PEX7: variants seen among roughly 807,000 people sequenced by gnomAD.
PEX7 encodes the protein peroxisomal biogenesis factor 7, also known as PTS2 receptor.
Under a neutral mutation model 47.5 loss-of-function variants are expected in PEX7, and 34 were observed. The observed-to-expected ratio is 0.72, with a 90% CI of 0.54 to 0.95. The LOEUF is 0.95. Among genes scored for constraint, PEX7 ranks in the 40% least tolerant of loss-of-function variants. The probability of loss-of-function intolerance (pLI) is 0.00; values close to 1 mark genes in which losing one functional copy is unlikely to be tolerated. For synonymous variants in PEX7, 141 were observed against 148.8 expected (o/e 0.95, Z 0.38); for missense variants, 394 against 400.3 (o/e 0.98, Z 0.13).
At position 136,870,135 on chromosome 6, in the gene PEX7, CAATT is replaced by C. The variant is rs1372522294; in HGVS notation, c.747+138_747+141del. The C allele has an allele frequency of 1.6e-5, 9 of 566,162 alleles. No individual in the cohort carries two copies. The African/African-American group carries it at 1.7e-4, about 11-fold the overall frequency. The allele number at this position is 566,162 out of a possible 1,614,324, so 35.1% of individuals were successfully genotyped here. ...CTTTTTTATATGTGTTTTTGTTACC[CAATT>C]AATTAGTAGTGAAAGCTAAAATTAG... On this transcript the variant is annotated intron_variant, in intron 7 of 9. Transcript: ENST00000318471.
chr6:136,880,707 C>G (rs532411983), intron 8 of PEX7, among the ~76,000 whole-genome samples: 23 of 152,230 alleles, frequency 1.5e-4, no homozygotes, highest in Non-Finnish European at 3.2e-4. Flanking sequence ...TGCCTAGACT[C>G]TCCTCTCTCC....
At chr6:136,866,085 A>G (rs954238295) in intron 5 of PEX7, among the ~76,000 whole-genome samples, 2 of 152,056 alleles carry the variant, frequency 1.3e-5, no homozygotes, top group Admixed American at 1.3e-4. Flanking sequence ...CTGTCTCGAA[A>G]TAAATAAATA....
Position 136,822,807 on chromosome 6 carries a change from C to G in PEX7, c.130+12C>G, listed in dbSNP as rs1457640785. On this transcript the variant is annotated intron_variant, in intron 1 of 9. Transcript: ENST00000318471. ...CTACGGCATCGCGGGTGAGGCGGCG[C>G]CGCGCAGCTGGGGCCGGGGGGCGGA... 6.2e-6 allele frequency: 8 copies of G among 1,285,934 alleles called. No individual in the cohort carries two copies. The highest frequency in any genetic ancestry group is 2.9e-4 in the Middle Eastern group (1 of 3,390). The allele number at this position is 1,285,934 out of a possible 1,614,324, so 79.7% of individuals were successfully genotyped here.
At chr6:136,904,008 A>G (rs1489534506) in intron 9 of PEX7, among the ~76,000 whole-genome samples, 1 of 152,094 alleles carries the variant, frequency 6.6e-6, no homozygotes, top group Non-Finnish European at 1.5e-5. Flanking sequence ...GTTTTGGTTC[A>G]AACCTCTATT....
chr6:136,868,441 A>G (rs980817618), intron 6 of PEX7, among the ~76,000 whole-genome samples: 5 of 152,132 alleles, frequency 3.3e-5, no homozygotes, highest in African/African-American at 1.2e-4. Flanking sequence ...AAAATATAGT[A>G]TATATACAAT....
chr6:136,899,080 C>CTTT lies in PEX7; in HGVS notation c.903+855_903+857dup, dbSNP rs71547049. ...TATGTAAGTGTTTTTTTTTTCTTTT[C>CTTT]TTTTTTTTTTTTTTTTTTGAGACAG... On this transcript the variant is annotated intron_variant, in intron 9 of 9. Transcript: ENST00000318471. 4.6e-3 allele frequency among the ~76,000 whole-genome samples: 511 copies of CTTT among 111,942 alleles called. 20 individuals carry two copies. Among genetic ancestry groups the CTTT allele is most frequent in the Middle Eastern group, 0.02 (3 of 148 alleles). The allele number at this position is 111,942 out of a possible 152,430, so 73.4% of individuals were successfully genotyped here.
chr6:136,907,732 A>G (rs1436966993), intron 9 of PEX7, among the ~76,000 whole-genome samples: 2 of 152,162 alleles, frequency 1.3e-5, no homozygotes, highest in African/African-American at 2.4e-5. Context: ...ACATTAAATC[A>G]TTTGAGATAA....
chr6:136,832,451 C>T (rs1002268297), intron 3 of PEX7, among the ~76,000 whole-genome samples: 12 of 152,166 alleles, frequency 7.9e-5, no homozygotes, highest in African/African-American at 2.7e-4. Context: ...TACATTTTTC[C>T]CATTGTTTTG....
rs1360681615 is a variant in PEX7 at position 136,866,698 on chromosome 6, G to A, written c.598G>A (p.Glu200Lys). The change falls in exon 6 of 10, where the codon GAA becomes AAA. Residue 200 changes from glutamate (E) to lysine (K), a missense_variant. Physicochemically the swap from Glu to Lys is moderately conservative, Grantham distance 56 (BLOSUM62 1). Coordinates refer to ENST00000318471, the MANE Select transcript of PEX7 (RefSeq NM_000288.4). ...VRIVIPAHQA[E>K]ILSCDWCKYN... ...AATCGTGATTCCTGCACATCAGGCA[G>A]AAATCTTGAGTTGTGACTGGTGTAA... is the stretch of plus-strand genomic sequence containing the variant. The A allele has an allele frequency of 6.2e-7, 1 of 1,614,028 alleles. No homozygotes were observed.
At chr6:136,882,536 A>C (rs938933539) in intron 8 of PEX7, among the ~76,000 whole-genome samples, 2 of 141,960 alleles carry the variant, frequency 1.4e-5, no homozygotes, top group Non-Finnish European at 3.1e-5. Context: ...TCAGCAAAAG[A>C]TCTTACCTTT....
chr6:136,892,965 A>G (rs1281886957), intron 8 of PEX7, among the ~76,000 whole-genome samples: 1 of 152,126 alleles, frequency 6.6e-6, no homozygotes, highest in Non-Finnish European at 1.5e-5. Context: ...CCTCAAGTCC[A>G]TTCTTCTCAC....
At chr6:136,889,589 T>G (rs1471436946) in intron 8 of PEX7, among the ~76,000 whole-genome samples, 1 of 152,252 alleles carries the variant, frequency 6.6e-6, no homozygotes, top group East Asian at 1.9e-4. Context: ...ATTTGCATCA[T>G]ACTTTTTAAA....
chr6:136,834,450 C>G (rs1404310067), intron 3 of PEX7, among the ~76,000 whole-genome samples: 5 of 152,152 alleles, frequency 3.3e-5, no homozygotes, highest in African/African-American at 1.2e-4. Flanking sequence ...CACTTGGGCT[C>G]AAGCAATCCA....
intron 5 of PEX7, among the ~76,000 whole-genome samples, chr6:136,864,436 A>C (rs2115211320): frequency 6.6e-6 from 1 of 152,262 alleles, no homozygotes; most frequent in East Asian, 1.9e-4. Flanking sequence ...GTAGGTAGGA[A>C]ACTGAAGATC....
chr6:136,857,877 A>G (rs1358407611), intron 5 of PEX7, among the ~76,000 whole-genome samples: 2 of 152,134 alleles, frequency 1.3e-5, no homozygotes, highest in African/African-American at 4.8e-5. Context: ...GCTGGAATGC[A>G]GTGGTGCCAT....
chr6:136,877,805 T>G (rs916301428), intron 8 of PEX7, among the ~76,000 whole-genome samples: 6 of 152,238 alleles, frequency 3.9e-5, no homozygotes, highest in African/African-American at 1.4e-4. Flanking sequence ...CGGTTCCATA[T>G]GAAATTTAAA....
At chr6:136,836,412 A>G (rs1297527161) in intron 3 of PEX7, among the ~76,000 whole-genome samples, 1 of 152,070 alleles carries the variant, frequency 6.6e-6, no homozygotes, top group Non-Finnish European at 1.5e-5. Context: ...TGGAAATAAG[A>G]TTTCTTCAGA....
At chr6:136,864,034 G>A (rs1775013130) in intron 5 of PEX7, among the ~76,000 whole-genome samples, 1 of 152,144 alleles carries the variant, frequency 6.6e-6, no homozygotes, top group Non-Finnish European at 1.5e-5. Flanking sequence ...TTGGGTTCTG[G>A]TTCCAGGTCC....
At chr6:136,867,766 A>G (rs1363317239) in intron 6 of PEX7, among the ~76,000 whole-genome samples, 2 of 140,016 alleles carry the variant, frequency 1.4e-5, no homozygotes, top group South Asian at 4.9e-4. Flanking sequence ...ACAGAGCAAG[A>G]CTCCATCTCA....
Sources: allele counts gnomAD v4.1 joint callset (sites outside exome capture counted in the v4.1 genomes callset), GRCh38; gene constraint gnomAD v4.1.1; transcripts MANE v1.5; gene names NCBI Gene and HGNC (gene_info 2026-07-23, HGNC 2026-07-21).